PDXDC1: variants seen among roughly 807,000 people sequenced by gnomAD.
The protein encoded by PDXDC1 is pyridoxal dependent decarboxylase domain containing 1, also known as pyridoxal-dependent decarboxylase domain-containing protein 1.
A neutral mutation model predicts 100.1 loss-of-function variants in PDXDC1; 42 were observed. That is an observed-to-expected ratio of 0.42 (90% CI 0.33 to 0.54). The LOEUF is 0.54. Among genes scored for constraint, PDXDC1 ranks in the 20% least tolerant of loss-of-function variants. The pLI is 0.10. For missense variants in PDXDC1, 636 were observed against 979.2 expected (o/e 0.65, Z 4.68); for synonymous variants, 260 against 371.7 (o/e 0.70, Z 3.46).
intron 1 of PDXDC1, among the ~76,000 whole-genome samples, chr16:14,987,098 A>G (rs1430423749): frequency 1.3e-5 from 2 of 150,746 alleles, no homozygotes; most frequent in African/African-American, 4.8e-5. Context: ...GGAAAAAGGA[A>G]AAAAAAAAAA....
chr16:15,122,823 G>GGGGGAGGGGAC, intron 16 of PDXDC1, among the ~76,000 whole-genome samples: 1 of 36,980 alleles, frequency 2.7e-5, no homozygotes, highest in Non-Finnish European at 7.2e-5. Flanking sequence ...GAGTTGGGGA[G>GGGGGAGGGGAC]GGGGAGGGGA....
At chr16:15,142,793 G>A (rs937438231), downstream of PDXDC1, among the ~76,000 whole-genome samples, 16 of 143,382 alleles carry the variant, frequency 1.1e-4, no homozygotes, top group South Asian at 2.5e-4. Context: ...CATCATCGCC[G>A]CTGTCTGATG....
chr16:15,085,704 G>A, intron 16 of PDXDC1: 2 of 1,612,838 alleles, frequency 1.2e-6, no homozygotes, highest in African/African-American at 1.3e-5. Context: ...TCGGGCTTTT[G>A]AGGGAAAAAG....
intron 16 of PDXDC1, chr16:15,104,609 C>T (rs749273456): frequency 2.8e-5 from 45 of 1,599,000 alleles, no homozygotes; most frequent in Non-Finnish European, 3.7e-5. Flanking sequence ...CCGCAGGTGT[C>T]TTGAGGCTCA....
intron 1 of PDXDC1, among the ~76,000 whole-genome samples, chr16:14,984,457 G>A (rs1456326185): frequency 2.3e-5 from 3 of 132,554 alleles, no homozygotes; most frequent in Non-Finnish European, 4.7e-5. Flanking sequence ...GAGAGAGAGT[G>A]TGTGTGTGTG....
chr16:15,035,402 G>T, intron 21 of PDXDC1, 47 bp from the exon 22 acceptor site: 1 of 1,147,674 alleles, frequency 8.7e-7, no homozygotes, highest in Non-Finnish European at 1.3e-6. Flanking sequence ...TGTCTTCAAG[G>T]GCAGCCTGTG....
At chr16:15,093,197 G>T (rs879452000) in intron 16 of PDXDC1, among the ~76,000 whole-genome samples, 29 of 152,132 alleles carry the variant, frequency 1.9e-4, no homozygotes, top group Non-Finnish European at 3.2e-4. Flanking sequence ...TAGAGACGAG[G>T]TTTCGCACGT....
At chr16:15,127,453 C>A (rs1156964633) in intron 16 of PDXDC1, 2 of 1,545,930 alleles carry the variant, frequency 1.3e-6, no homozygotes, top group African/African-American at 2.7e-5. Context: ...ACTCCCCGGT[C>A]CCCAGCCCCA....
chr16:15,015,006 C>T (rs139737277), intron 8 of PDXDC1, among the ~76,000 whole-genome samples: 9,350 of 149,416 alleles, frequency 0.063, no homozygotes, highest in Non-Finnish European at 0.094. Flanking sequence ...GGCACGATCT[C>T]GGCTCACTAC....
At chr16:15,041,611 G>T, downstream of PDXDC1, 1 of 1,601,148 alleles carries the variant, frequency 6.2e-7, no homozygotes, top group Non-Finnish European at 8.6e-7. Flanking sequence ...TGGGGCAAAT[G>T]GCAGGACTTA....
At chr16:15,144,920 C>T in the PDXDC1 span, among the ~76,000 whole-genome samples, 3 of 152,158 alleles carry the variant, frequency 2.0e-5, no homozygotes, top group Non-Finnish European at 4.4e-5. Flanking sequence ...CCTTCCAGTT[C>T]AAGGGGAGAA....
chr16:15,144,030 G>A (rs947974582), downstream of PDXDC1, among the ~76,000 whole-genome samples: 8 of 152,272 alleles, frequency 5.3e-5, no homozygotes, highest in Middle Eastern at 3.4e-3. Flanking sequence ...CTCCTCCCTC[G>A]GCAGGGGCAG....
In PDXDC1 at chr16:15,104,465, A is replaced by T; in HGVS notation, c.1400-34414A>T. 3 of 680,714 alleles carry T rather than the reference A, an allele frequency of 4.4e-6. 1 individual carries two copies. The highest frequency in any genetic ancestry group is 2.3e-5 in the South Asian group (1 of 44,142). 42.2% of individuals were successfully genotyped at this position (680,714 alleles called of 1,614,324 possible). On this transcript the variant is annotated intron_variant, in intron 16 of 16. Coordinates refer to the PDXDC1 transcript ENST00000535621. ...AGCTGAGGGTGGAAGGGGAGTGAGC[A>T]GACACACTCGGGAGGTGTCTTGAGA...
At chr16:15,073,536 C>T (rs1305952053) in intron 16 of PDXDC1, among the ~76,000 whole-genome samples, 1 of 152,136 alleles carries the variant, frequency 6.6e-6, no homozygotes, top group Non-Finnish European at 1.5e-5. Context: ...ACAGATTTTC[C>T]TCTGAATATA....
intron 22 of PDXDC1, among the ~76,000 whole-genome samples, 190 bp from the exon 23 acceptor site, chr16:15,035,826 C>T (rs1248146079): frequency 2.6e-5 from 4 of 152,044 alleles, no homozygotes; most frequent in Admixed American, 2.0e-4. Context: ...TAGAGTTCCC[C>T]GGCCTGGGGA....
At chr16:15,119,716 AT>A (rs1567280503) in intron 16 of PDXDC1, among the ~76,000 whole-genome samples, 3 of 125,428 alleles carry the variant, frequency 2.4e-5, no homozygotes, top group Non-Finnish European at 3.3e-5. Context: ...GTGCCCAGCC[AT>A]TTTTTTTCTT....
chr16:15,100,318 T>C (rs959314348), intron 16 of PDXDC1, among the ~76,000 whole-genome samples: 1 of 152,258 alleles, frequency 6.6e-6, no homozygotes, highest in African/African-American at 2.4e-5. Context: ...ACTACATTCA[T>C]TAACACAAAT....
chr16:15,052,120 A>G (rs766273854), intron 16 of PDXDC1, among the ~76,000 whole-genome samples: 1 of 152,168 alleles, frequency 6.6e-6, no homozygotes, highest in Non-Finnish European at 1.5e-5. Flanking sequence ...AAAAGGCCAG[A>G]CAGTAAATAT....
chr16:15,128,119 C>T (rs751108525), intron 16 of PDXDC1: 1 of 1,609,776 alleles, frequency 6.2e-7, no homozygotes, highest in Non-Finnish European at 8.5e-7. Flanking sequence ...GCTGCAGGAA[C>T]CAGGCAGGGC....
Sources: gnomAD v4.1 joint callset for allele counts (sites outside exome capture counted in the v4.1 genomes callset) on GRCh38, gnomAD v4.1.1 for gene constraint, MANE v1.5 for transcripts, NCBI Gene and HGNC (gene_info 2026-07-23, HGNC 2026-07-21) for gene names.